SEPTIN7: variants seen among roughly 807,000 people sequenced by gnomAD.
The protein encoded by SEPTIN7 is septin-7.
SEPTIN7 carries 10 observed loss-of-function variants against 63.3 expected under a neutral mutation model. The observed-to-expected ratio is 0.16, with a 90% confidence interval of 0.10 to 0.27. The LOEUF is 0.27. SEPTIN7 is among the 10% of genes least tolerant of loss of function. SEPTIN7 has a pLI of 1.00. For synonymous variants in SEPTIN7, 131 were observed against 165.3 expected (o/e 0.79, Z 1.59); for missense variants, 310 against 521.0 (o/e 0.59, Z 3.94).
intron 11 of SEPTIN7, among the ~76,000 whole-genome samples, chr7:35,893,043 A>G (rs915165342): frequency 3.3e-5 from 5 of 152,158 alleles, no homozygotes; most frequent in Non-Finnish European, 7.4e-5. Flanking sequence ...ATTTCAAAAA[A>G]TATTTTTGTT....
chr7:35,911,668 T>G (rs1308992821), downstream of SEPTIN7, among the ~76,000 whole-genome samples: 1 of 152,214 alleles, frequency 6.6e-6, no homozygotes, highest in Admixed American at 6.5e-5. Flanking sequence ...TCCTATTATC[T>G]GGAACCGTGG....
At chr7:35,878,702 G>T (rs907503312) in intron 6 of SEPTIN7, among the ~76,000 whole-genome samples, 1 of 152,142 alleles carries the variant, frequency 6.6e-6, no homozygotes, top group African/African-American at 2.4e-5. Flanking sequence ...ATTAGAGGAG[G>T]GGAGGAATCC....
At chr7:35,881,091 A>C (rs1786846172) in intron 7 of SEPTIN7, among the ~76,000 whole-genome samples, 1 of 151,938 alleles carries the variant, frequency 6.6e-6, no homozygotes, top group African/African-American at 2.4e-5. Flanking sequence ...TGAATTTCAG[A>C]ATACCTTGAA....
intron 1 of SEPTIN7, 60 bp from the exon 2 acceptor site, chr7:35,831,430 CTG>C: frequency 2.3e-6 from 1 of 431,716 alleles, no homozygotes; most frequent in Non-Finnish European, 4.5e-6. Flanking sequence ...TACTGTTCCT[CTG>C]TGGATTTCTT....
At chr7:35,861,543 G>A (rs1222509369) in intron 3 of SEPTIN7, among the ~76,000 whole-genome samples, 2 of 152,156 alleles carry the variant, frequency 1.3e-5, no homozygotes, top group African/African-American at 4.8e-5. Flanking sequence ...CCTGTGGGTC[G>A]CTTTCTCAAT....
At chr7:35,802,087 A>G (rs1788030529) in intron 1 of SEPTIN7, among the ~76,000 whole-genome samples, 1 of 152,180 alleles carries the variant, frequency 6.6e-6, no homozygotes, top group Non-Finnish European at 1.5e-5. Context: ...GGGTCCTTGG[A>G]AAAGGGAGGG....
chr7:35,813,456 C>G (rs922308351), intron 1 of SEPTIN7, among the ~76,000 whole-genome samples: 2 of 151,910 alleles, frequency 1.3e-5, no homozygotes, highest in Non-Finnish European at 2.9e-5. Flanking sequence ...CTCCTGGGTT[C>G]AAGCGATTCT....
At chr7:35,897,128 T>C (rs540192759) in intron 11 of SEPTIN7, among the ~76,000 whole-genome samples, 2 of 152,188 alleles carry the variant, frequency 1.3e-5, no homozygotes, top group Admixed American at 6.5e-5. Context: ...GTTTTCGTTT[T>C]TAAGCCATGA....
downstream of SEPTIN7, among the ~76,000 whole-genome samples, chr7:35,911,307 A>G (rs1788736252): frequency 6.6e-6 from 1 of 152,256 alleles, no homozygotes; most frequent in Non-Finnish European, 1.5e-5. Context: ...TTGGCTGGCA[A>G]TAATGCCTGG....
chr7:35,860,856 C>T (rs2116132430), intron 3 of SEPTIN7, among the ~76,000 whole-genome samples: 1 of 152,230 alleles, frequency 6.6e-6, no homozygotes, highest in East Asian at 1.9e-4. Flanking sequence ...TGTTGAGATC[C>T]TTGGATTTGT....
chr7:35,835,754 G>A (rs1309574904), intron 3 of SEPTIN7, among the ~76,000 whole-genome samples: 1 of 152,202 alleles, frequency 6.6e-6, no homozygotes, highest in African/African-American at 2.4e-5. Flanking sequence ...GAGTGGGTGT[G>A]AAGTGGGAGA....
At chr7:35,877,886 G>A (rs1786568932) in intron 6 of SEPTIN7, among the ~76,000 whole-genome samples, 1 of 152,172 alleles carries the variant, frequency 6.6e-6, no homozygotes, top group African/African-American at 2.4e-5. Context: ...CTCAACTTGG[G>A]ACAGGGTTAC....
At chr7:35,858,319 T>G (rs1487220948) in intron 3 of SEPTIN7, among the ~76,000 whole-genome samples, 1 of 152,178 alleles carries the variant, frequency 6.6e-6, no homozygotes, top group African/African-American at 2.4e-5. Context: ...TTTGTCAGTT[T>G]TGTTTATTCT....
At chr7:35,914,874 G>A in the SEPTIN7 span, among the ~76,000 whole-genome samples, 767 of 151,650 alleles carry the variant, frequency 5.1e-3, 11 homozygotes, top group African/African-American at 0.018. Context: ...ATAGATATGT[G>A]TACATAGATA....
intron 4 of SEPTIN7, among the ~76,000 whole-genome samples, chr7:35,864,780 A>G (rs144158490): frequency 3.3e-5 from 5 of 152,258 alleles, no homozygotes; most frequent in Non-Finnish European, 7.4e-5. Context: ...ATAGGACATG[A>G]GCAGAGAGGA....
intron 11 of SEPTIN7, among the ~76,000 whole-genome samples, chr7:35,895,193 G>A (rs778213972): frequency 6.6e-6 from 1 of 151,944 alleles, no homozygotes. Context: ...TTAATAAAAG[G>A]TTTTACTTGG....
chr7:35,857,395 A>C (rs1785264453), intron 3 of SEPTIN7, among the ~76,000 whole-genome samples: 1 of 152,232 alleles, frequency 6.6e-6, no homozygotes, highest in South Asian at 2.1e-4. Flanking sequence ...GTCTTAAAAA[A>C]AAAGGAAACC....
downstream of SEPTIN7, among the ~76,000 whole-genome samples, chr7:35,907,287 G>T (rs1788647404): frequency 6.6e-6 from 1 of 152,078 alleles, no homozygotes; most frequent in Non-Finnish European, 1.5e-5. Context: ...CTAATAATAA[G>T]CTTGCAAATG....
chr7:35,818,470 T>A (rs1455104114), intron 1 of SEPTIN7, among the ~76,000 whole-genome samples: 1 of 152,084 alleles, frequency 6.6e-6, no homozygotes, highest in Non-Finnish European at 1.5e-5. Context: ...ACTGGCCTCA[T>A]AAAATGAGTT....
Sources: allele counts gnomAD v4.1 joint callset (sites outside exome capture counted in the v4.1 genomes callset), GRCh38; gene constraint gnomAD v4.1.1; transcripts MANE v1.5; gene names NCBI Gene and HGNC (gene_info 2026-07-23, HGNC 2026-07-21).